The following ZHX2 variants were observed in gnomAD, a reference collection of about 807,000 sequenced individuals.
ZHX2 encodes zinc fingers and homeoboxes 2, also known as zinc fingers and homeoboxes protein 2.
In ZHX2, 6 loss-of-function variants were observed where a neutral mutation model predicts 21.9. That is an observed-to-expected ratio of 0.27 (90% CI 0.15 to 0.54). The LOEUF (loss-of-function observed/expected upper bound fraction) is 0.54, where lower values mean the gene tolerates loss of function less well. Among genes scored for constraint, ZHX2 ranks in the 20% least tolerant of loss-of-function variants. ZHX2 has a pLI of 0.95. For synonymous variants in ZHX2, 434 were observed against 437.1 expected (o/e 0.99, Z 0.09); for missense variants, 908 against 1,090.7 (o/e 0.83, Z 2.36).
At chr8:122,907,133 T>G (rs960620056) in intron 2 of ZHX2, among the ~76,000 whole-genome samples, 1 of 152,206 alleles carries the variant, frequency 6.6e-6, no homozygotes, top group Non-Finnish European at 1.5e-5. Flanking sequence ...CTAGAAAATC[T>G]GAGTTCTGTT....
Position 122,953,229 on chromosome 8 carries a change from C to T in ZHX2, c.1719C>T (p.Ile573=), listed in dbSNP as rs142958129. ...RVETKLSRRE[I]DSWFSERRKL... is the part of the protein sequence containing the mutation. ...AGACCAAGCTGAGCAGGAGAGAGAT[C>T]GACTCCTGGTTCTCGGAGAGGCGGA... Residue 573 remains isoleucine (I), a synonymous_variant, in exon 3 of 4, where the codon ATC becomes ATT. Coordinates refer to ENST00000314393, the MANE Select transcript of ZHX2 (RefSeq NM_014943.5). This position sits in a 1 kb window ranked among gnomAD's most constrained non-coding sequence, Gnocchi z 4.6. 3 of 1,613,772 alleles carry T rather than the reference C, an allele frequency of 1.9e-6. No homozygotes were observed. Among genetic ancestry groups the T allele is most frequent in the Non-Finnish European group, 2.5e-6 (3 of 1,179,964 alleles).
intron 1 of ZHX2, among the ~76,000 whole-genome samples, chr8:122,784,114 A>G (rs918053024): frequency 2.0e-5 from 3 of 152,212 alleles, no homozygotes; most frequent in Non-Finnish European, 4.4e-5. Context: ...AAGAAAGGGT[A>G]TTCCTGTGAT....
At chr8:122,846,479 T>C (rs1298463108) in intron 1 of ZHX2, among the ~76,000 whole-genome samples, 3 of 151,912 alleles carry the variant, frequency 2.0e-5, no homozygotes, top group Non-Finnish European at 4.4e-5. Context: ...CTTCTCAGAA[T>C]GTTGGGTCTG....
At position 122,951,583 on chromosome 8, in the gene ZHX2, G is replaced by A. The variant is rs146538096; in HGVS notation, c.73G>A (p.Glu25Lys). Residue 25 changes from glutamate (E) to lysine (K), a missense_variant, in exon 3 of 4, where the codon GAG becomes AAG. By Grantham distance (56) the Glu-to-Lys change is moderately conservative (BLOSUM62 1). This residue lies in a region of ZHX2 where 25 missense variants were observed against 48.9 expected (regional missense o/e 0.51). Transcript: ENST00000314393. ...TSQVVEQDVP[E>K]EVDRAKEKGI... Reference sequence around the variant, plus strand: ...ACAAGTAGTAGAACAAGATGTGCCCGAGGAAGTAGACAGGGCCAAAGAGAA... The same window carrying A: ...ACAAGTAGTAGAACAAGATGTGCCCAAGGAAGTAGACAGGGCCAAAGAGAA... 505 of 1,613,866 alleles carry A rather than the reference G, an allele frequency of 3.1e-4. 5 individuals carry two copies. The South Asian group carries it at 4.7e-3, about 15-fold the overall frequency.
rs73335724 is a variant in ZHX2 at position 122,951,840 on chromosome 8, C to T, written c.330C>T (p.Tyr110=). 4.9e-3 allele frequency: 7,892 copies of T among 1,614,128 alleles called. 320 individuals carry two copies. The African/African-American group carries it at 0.091, about 19-fold the overall frequency. The change falls in exon 3 of 4, where the codon TAC becomes TAT. Residue 110 remains tyrosine, a synonymous_variant. Coordinates refer to ENST00000314393, the MANE Select transcript of ZHX2 (RefSeq NM_014943.5). Reference sequence around the variant, plus strand: ...CCAACGTGATTCTCAACCCCCTCTACGTGTGTGCAGAATGTAACTTCACAA... The same window carrying T: ...CCAACGTGATTCTCAACCCCCTCTATGTGTGTGCAGAATGTAACTTCACAA... ...QHPNVILNPL[Y]VCAECNFTTK...
intron 1 of ZHX2, among the ~76,000 whole-genome samples, chr8:122,845,762 A>G (rs569471050): frequency 1.3e-5 from 2 of 152,198 alleles, no homozygotes; most frequent in South Asian, 4.1e-4. Context: ...TGCCCATTTC[A>G]CAGGTAAGGA....
chr8:122,786,967 C>G (rs766982250), intron 1 of ZHX2, among the ~76,000 whole-genome samples: 1 of 151,950 alleles, frequency 6.6e-6, no homozygotes, highest in African/African-American at 2.4e-5. Flanking sequence ...TCCCCTCCCC[C>G]ACCCTTCTCT....
Position 122,809,480 on chromosome 8 carries a change from A to G in ZHX2, c.-283+27534A>G, listed in dbSNP as rs147134676. ...GCACCACTGCACTCCAGCCTGGGCA[A>G]CAGAGTGAAACTCCATCTCAAAAGA... On this transcript the variant is annotated intron_variant, in intron 1 of 3. Transcript: ENST00000314393. Among the ~76,000 whole-genome samples, 260 of 152,294 alleles carry G rather than the reference A, an allele frequency of 1.7e-3. 6 individuals are homozygous for G. In the East Asian group the frequency reaches 0.037, roughly 22 times the overall value.
rs144732115 is a variant in ZHX2 at position 122,927,322 on chromosome 8, C to T, written c.-219-23970C>T. ...CCAGCCTGGCCAACATGGTGAAACG[C>T]CGTCTCTACTAAAAATACAAAAATT... On this transcript the variant is annotated intron_variant, in intron 2 of 3. Coordinates refer to ENST00000314393, the MANE Select transcript of ZHX2 (RefSeq NM_014943.5). Among the ~76,000 whole-genome samples, 454 of 152,236 alleles carry T rather than the reference C, an allele frequency of 3.0e-3. 2 individuals are homozygous for T. Among genetic ancestry groups the T allele is most frequent in the African/African-American group, 0.01 (424 of 41,530 alleles).
At chr8:122,872,026 T>C (rs1023339539) in intron 2 of ZHX2, among the ~76,000 whole-genome samples, 1 of 152,208 alleles carries the variant, frequency 6.6e-6, no homozygotes, top group Non-Finnish European at 1.5e-5. Context: ...ACTATAACCC[T>C]GACCCTGGCC....
At chr8:122,949,388 A>T (rs1813055216) in intron 2 of ZHX2, among the ~76,000 whole-genome samples, 1 of 152,258 alleles carries the variant, frequency 6.6e-6, no homozygotes, top group African/African-American at 2.4e-5. Flanking sequence ...AAGCATTAGT[A>T]TTATTTATGT....
At chr8:122,893,499 A>G (rs1586366707) in intron 2 of ZHX2, among the ~76,000 whole-genome samples, 1 of 151,844 alleles carries the variant, frequency 6.6e-6, no homozygotes, top group East Asian at 1.9e-4. Context: ...GGCTTTTTTC[A>G]TACTTTTTTT....
At chr8:122,858,990 C>T (rs537899737) in intron 1 of ZHX2, among the ~76,000 whole-genome samples, 3 of 152,340 alleles carry the variant, frequency 2.0e-5, no homozygotes, top group African/African-American at 7.2e-5. Flanking sequence ...CGTGCAGGAA[C>T]AGAAGGCTCC....
At chr8:122,841,335 G>A (rs767318336) in intron 1 of ZHX2, among the ~76,000 whole-genome samples, 1 of 152,104 alleles carries the variant, frequency 6.6e-6, no homozygotes, top group Non-Finnish European at 1.5e-5. Flanking sequence ...ATCCAGTGGC[G>A]CATCATAAGA....
At chr8:122,954,127 A>G in intron 3 of ZHX2, 99 bp downstream of exon 3, 2 of 1,099,450 alleles carry the variant, frequency 1.8e-6, no homozygotes, top group South Asian at 3.6e-5. Flanking sequence ...AGATGTTGAC[A>G]CAGATGGTGG....
intron 1 of ZHX2, among the ~76,000 whole-genome samples, chr8:122,804,214 T>A (rs1817779381): frequency 1.3e-5 from 2 of 152,168 alleles, no homozygotes; most frequent in African/African-American, 4.8e-5. Context: ...GTTCAAGTGA[T>A]TCTCCTGCCT....
At chr8:122,836,433 C>G (rs941249292) in intron 1 of ZHX2, among the ~76,000 whole-genome samples, 2 of 152,130 alleles carry the variant, frequency 1.3e-5, no homozygotes, top group African/African-American at 4.8e-5. Context: ...AGACCTGAGC[C>G]CCTCCCCGGT....
intron 2 of ZHX2, among the ~76,000 whole-genome samples, chr8:122,874,890 A>G (rs1342335252): frequency 6.6e-6 from 1 of 151,386 alleles, no homozygotes; most frequent in African/African-American, 2.4e-5. Context: ...GGACGTTCTC[A>G]GGTGCCAGAC....
At chr8:122,958,707 A>G (rs556115838) in intron 3 of ZHX2, among the ~76,000 whole-genome samples, 2 of 152,338 alleles carry the variant, frequency 1.3e-5, no homozygotes, top group African/African-American at 4.8e-5. Flanking sequence ...CCCAGCCACT[A>G]TGGCCCTGCC....
Sources: gnomAD v4.1 joint callset for allele counts (sites outside exome capture counted in the v4.1 genomes callset) on GRCh38, gnomAD v4.1.1 for gene constraint, gnomAD v4.1.1 regional missense constraint, Gnocchi (gnomAD v3.1) non-coding constraint, MANE v1.5 for transcripts, NCBI Gene and HGNC (gene_info 2026-07-23, HGNC 2026-07-21) for gene names.